The following SOS2 variants were observed in gnomAD, a reference collection of about 807,000 sequenced individuals.
SOS2 encodes son of sevenless homolog 2.
SOS2 carries 65 observed loss-of-function variants against 148.2 expected under a neutral mutation model. The ratio of observed to expected loss-of-function variants is 0.44; its 90% CI spans 0.36 to 0.54. The LOEUF is 0.54. Ranked by LOEUF, SOS2 falls within the 20% of genes least tolerant of loss-of-function variation. The probability of loss-of-function intolerance (pLI) is 0.00; values close to 1 mark genes in which losing one functional copy is unlikely to be tolerated. For synonymous variants in SOS2, 539 were observed against 537.1 expected (o/e 1.00, Z -0.05); for missense variants, 1,341 against 1,590.2 (o/e 0.84, Z 2.67).
intron 16 of SOS2, among the ~76,000 whole-genome samples, chr14:50,144,495 T>C (rs1286106497): frequency 6.6e-6 from 1 of 152,130 alleles, no homozygotes; most frequent in Admixed American, 6.6e-5. Context: ...TGGAGTGCAG[T>C]GGTGTGATCT....
intron 1 of SOS2, among the ~76,000 whole-genome samples, chr14:50,209,527 G>A (rs1336859437): frequency 1.3e-5 from 2 of 152,094 alleles, no homozygotes; most frequent in Non-Finnish European, 2.9e-5. Flanking sequence ...AGCACTTTGG[G>A]AAGCTGAGGC....
At chr14:50,230,799 G>C in intron 1 of SOS2, 2 of 691,494 alleles carry the variant, frequency 2.9e-6, no homozygotes, top group Non-Finnish European at 1.8e-6. Context: ...ACCGCCTAGG[G>C]GGAACACTCC....
At chr14:50,120,228 G>A in intron 22 of SOS2, 47 bp downstream of exon 22, 1 of 858,820 alleles carries the variant, frequency 1.2e-6, no homozygotes. Context: ...GCATTATTTT[G>A]AAGATTCACA....
intron 8 of SOS2, among the ~76,000 whole-genome samples, chr14:50,169,324 T>A (rs995223370): frequency 4.6e-5 from 3 of 65,888 alleles, no homozygotes; most frequent in East Asian, 4.4e-4. Context: ...TCAAAAAAAA[T>A]AAAAATAAAA....
chr14:50,121,535 G>GC (rs1005243188), intron 21 of SOS2, among the ~76,000 whole-genome samples: 2 of 146,762 alleles, frequency 1.4e-5, no homozygotes, highest in African/African-American at 5.2e-5. Flanking sequence ...TGGGGGAGGG[G>GC]GGGGAGTCCT....
intron 2 of SOS2, among the ~76,000 whole-genome samples, chr14:50,202,241 A>G (rs1950511): frequency 0.9 from 137,690 of 152,306 alleles, 62,425 homozygotes; most frequent in African/African-American, 0.96. Flanking sequence ...TGGGATTACA[A>G]GTGTGAGCCA....
chr14:50,149,959 T>C (rs1566827515), intron 14 of SOS2, 49 bp downstream of exon 14: 1 of 1,239,024 alleles, frequency 8.1e-7, no homozygotes, highest in Admixed American at 1.7e-5. Context: ...AAATAGGTAA[T>C]GTTCAAGATT....
Position 50,135,071 on chromosome 14 carries a change from CAAA to C in SOS2, c.2959-835_2959-833del, listed in dbSNP as rs746540364. Among the ~76,000 whole-genome samples the C allele has an allele frequency of 8.2e-4, 47 of 57,514 alleles. 1 individual carries two copies. Among genetic ancestry groups the C allele is most frequent in the East Asian group, 5.8e-4 (1 of 1,726 alleles). 37.7% of individuals were successfully genotyped at this position (57,514 alleles called of 152,430 possible). On this transcript the variant is annotated intron_variant, in intron 18 of 22. Transcript: ENST00000216373. ...CTGGGCAACAAGAGCGAGACTGTCT[CAAA>C]AAAAAAAAAAAAAAAAAAGAAAGAA...
In SOS2 at chr14:50,117,405, A is replaced by T. The variant is rs1358858203; in HGVS notation, c.*939T>A. The T allele has an allele frequency of 1.3e-5, 2 of 152,228 alleles. No individual in the cohort carries two copies. The highest frequency in any genetic ancestry group is 1.5e-5 in the Non-Finnish European group (1 of 68,046). The allele number at this position is 152,228 out of a possible 1,614,324, so 9.4% of individuals were successfully genotyped here. Reference sequence around the variant, plus strand: ...AATCTAAAAAATATATTTAAAAAAAATTTCAGTTAACACGAGATTTATAGA... The same window carrying T: ...AATCTAAAAAATATATTTAAAAAAATTTTCAGTTAACACGAGATTTATAGA... On this transcript the variant is annotated 3_prime_UTR_variant, in exon 23 of 23. Transcript: ENST00000216373.
At chr14:50,145,391 G>A (rs1037836264) in intron 15 of SOS2, 59 bp from the exon 16 acceptor site, 3 of 1,562,076 alleles carry the variant, frequency 1.9e-6, no homozygotes, top group Admixed American at 3.9e-5. Context: ...TAGAAAACAA[G>A]ATAATTATGA....
chr14:50,169,914 T>C (rs1371738512), intron 8 of SOS2, among the ~76,000 whole-genome samples: 1 of 152,070 alleles, frequency 6.6e-6, no homozygotes, highest in East Asian at 1.9e-4. Flanking sequence ...TCTTCTCAGA[T>C]AAATTTTGTT....
intron 6 of SOS2, among the ~76,000 whole-genome samples, chr14:50,181,403 G>A (rs1312540744): frequency 2.6e-5 from 4 of 151,008 alleles, no homozygotes; most frequent in African/African-American, 7.3e-5. Flanking sequence ...AGACGAGATC[G>A]TGCCATTGCA....
chr14:50,131,830 G>A (rs997628366), intron 19 of SOS2, among the ~76,000 whole-genome samples: 5 of 152,158 alleles, frequency 3.3e-5, no homozygotes, highest in African/African-American at 9.7e-5. Context: ...TAAAGCCAAT[G>A]GCGGCAGATC....
At chr14:50,211,007 C>T (rs1418877714) in intron 1 of SOS2, among the ~76,000 whole-genome samples, 2 of 149,190 alleles carry the variant, frequency 1.3e-5, no homozygotes, top group African/African-American at 5.0e-5. Flanking sequence ...TATGTATAGT[C>T]TATGACTGAG....
chr14:50,168,163 G>A (rs1278014886), intron 8 of SOS2, among the ~76,000 whole-genome samples: 1 of 152,150 alleles, frequency 6.6e-6, no homozygotes, highest in African/African-American at 2.4e-5. Context: ...AACATTACTT[G>A]CCTTTGAATA....
Position 50,199,697 on chromosome 14 carries a change from C to A in SOS2, c.504G>T (p.Ala168=). 1 of 1,593,858 alleles carries A rather than the reference C, an allele frequency of 6.3e-7. No homozygotes were observed. The highest frequency in any genetic ancestry group is 1.1e-5 in the South Asian group (1 of 88,304). Residue 168 remains alanine (A), a synonymous_variant, in exon 4 of 23, where the codon GCG becomes GCT. Coordinates refer to ENST00000216373, the MANE Select transcript of SOS2 (RefSeq NM_006939.4). The stretch of plus-strand genomic sequence containing the variant: ...AATACCTTGTAACACTTACCTTATC[C>A]GCACACATTGACACTTTAATGTCCT... ...SQQDIKVSMC[A]DKVLMDMFDQ... is the part of the protein sequence containing the mutation.
chr14:50,205,993 T>C (rs571062467), intron 1 of SOS2, among the ~76,000 whole-genome samples: 1 of 152,300 alleles, frequency 6.6e-6, no homozygotes, highest in African/African-American at 2.4e-5. Flanking sequence ...AAATCCCTTC[T>C]TTCATTTCTA....
rs768171476 is a variant in SOS2 at position 50,160,047 on chromosome 14, G to A, written c.1236C>T (p.Ser412=). The change falls in exon 10 of 23, where the codon AGC becomes AGT. Residue 412 remains serine, a synonymous_variant. Coordinates refer to ENST00000216373, the MANE Select transcript of SOS2 (RefSeq NM_006939.4). ...VCPFYSHQLR[S]KHLAIKKMNE... ...TCATTTTTTTGATAGCCAGGTGTTT[G>A]CTTCTTAATTGGTGACTATAAAAAG... 1.2e-6 allele frequency: 2 copies of A among 1,613,478 alleles called. No individual in the cohort carries two copies. Among genetic ancestry groups the A allele is most frequent in the African/African-American group, 1.3e-5 (1 of 74,820 alleles).
intron 5 of SOS2, among the ~76,000 whole-genome samples, chr14:50,184,008 G>A (rs2139715546): frequency 6.6e-6 from 1 of 152,312 alleles, no homozygotes; most frequent in African/African-American, 2.4e-5. Flanking sequence ...GCATGTTACT[G>A]TATGGAATAC....
Sources: gnomAD v4.1 joint callset for allele counts (sites outside exome capture counted in the v4.1 genomes callset) on GRCh38, gnomAD v4.1.1 for gene constraint, MANE v1.5 for transcripts, NCBI Gene and HGNC (gene_info 2026-07-23, HGNC 2026-07-21) for gene names.